The following KNDC1 variants were observed in gnomAD, a reference collection of about 807,000 sequenced individuals.
The protein encoded by KNDC1 is kinase non-catalytic C-lobe domain containing 1, also known as kinase non-catalytic C-lobe domain-containing protein 1.
KNDC1 carries 106 observed loss-of-function variants against 172.8 expected under a neutral mutation model. That is an observed-to-expected ratio of 0.61 (90% CI 0.52 to 0.72). The LOEUF is 0.72. Among genes scored for constraint, KNDC1 ranks in the 30% least tolerant of loss-of-function variants. The pLI is 0.00. For missense variants in KNDC1, 2,325 were observed against 2,394.5 expected (o/e 0.97, Z 0.61); for synonymous variants, 1,083 against 1,062.2 (o/e 1.02, Z -0.38).
chr10:133,180,024 C>T (rs1409478446), intron 3 of KNDC1, among the ~76,000 whole-genome samples: 1 of 152,238 alleles, frequency 6.6e-6, no homozygotes, highest in Non-Finnish European at 1.5e-5. Context: ...CCTCGTCCTG[C>T]TGCCCTGGGG....
rs770774937 is a variant in KNDC1 at position 133,160,436 on chromosome 10, G to T, written c.-32G>T. ...CGAGCCCAGCCCAGCCCAGCCGGAGGCCCCGGGGGCGGTGCGCGGCGCGGC... is the reference window on the plus strand; with the variant it reads ...CGAGCCCAGCCCAGCCCAGCCGGAGTCCCCGGGGGCGGTGCGCGGCGCGGC... On this transcript the variant is annotated 5_prime_UTR_variant, in exon 1 of 30. Transcript: ENST00000304613. 2.8e-6 allele frequency: 4 copies of T among 1,428,410 alleles called. No homozygotes were observed. The South Asian group carries it at 4.1e-5, about 15-fold the overall frequency. The allele number at this position is 1,428,410 out of a possible 1,614,324, so 88.5% of individuals were successfully genotyped here. A position where few individuals can be genotyped will look rare whatever the true frequency, so the allele number is the denominator to read the frequency against.
chr10:133,224,726 C>T lies in KNDC1; in HGVS notation c.5086C>T (p.Pro1696Ser), dbSNP rs1396803150. The change falls in exon 30 of 30, where the codon CCC becomes TCC. Residue 1696 changes from proline (P) to serine (S), a missense_variant. Coordinates refer to ENST00000304613, the MANE Select transcript of KNDC1 (RefSeq NM_152643.8). The surrounding 1 kb of genome is among the most constrained non-coding windows in gnomAD (Gnocchi z 5.4). ...QENPYTFSPD[P>S]KLQSYLKQRI... is the part of the protein sequence containing the mutation. ...GAACCCTTACACCTTCAGCCCCGACCCCAAGCTCCAGTCGTACCTCAAGCA... is the reference window on the plus strand; with the variant it reads ...GAACCCTTACACCTTCAGCCCCGACTCCAAGCTCCAGTCGTACCTCAAGCA... 15 of 1,614,084 alleles carry T rather than the reference C, an allele frequency of 9.3e-6. No individual in the cohort carries two copies. Among genetic ancestry groups the T allele is most frequent in the Non-Finnish European group, 1.3e-5 (15 of 1,180,016 alleles).
chr10:133,174,603 G>A (rs1420509475), intron 3 of KNDC1, among the ~76,000 whole-genome samples: 1 of 152,148 alleles, frequency 6.6e-6, no homozygotes, highest in Non-Finnish European at 1.5e-5. Flanking sequence ...TGAGTGGATG[G>A]CCAGGTGGAT....
In KNDC1 at chr10:133,224,550, T is replaced by G. The variant is rs553749343; in HGVS notation, c.5019-109T>G. 951 of 761,928 alleles carry G rather than the reference T, an allele frequency of 1.2e-3. 19 individuals are homozygous for G. In the South Asian group the frequency reaches 0.017, roughly 13 times the overall value. The allele number at this position is 761,928 out of a possible 1,614,324, so 47.2% of individuals were successfully genotyped here. On this transcript the variant is annotated intron_variant, in intron 29 of 29. Transcript: ENST00000304613. The surrounding 1 kb of genome is among the most constrained non-coding windows in gnomAD (Gnocchi z 5.4). ...AACCCACCCTTCAGAATTTACACGG[T>G]GAAAAGATTTAGTCCAAATGATTCC...
chr10:133,182,310 G>A (rs7086082), intron 3 of KNDC1, among the ~76,000 whole-genome samples: 58,678 of 152,010 alleles, frequency 0.39, 13,110 homozygotes, highest in South Asian at 0.63. Flanking sequence ...ACGGATGCGC[G>A]TCCACTCAGC....
At chr10:133,166,180 A>G (rs1853144603) in intron 1 of KNDC1, among the ~76,000 whole-genome samples, 1 of 152,132 alleles carries the variant, frequency 6.6e-6, no homozygotes, top group Non-Finnish European at 1.5e-5. Context: ...CAGTGGCTCC[A>G]GTACAGCCAG....
chr10:133,169,735 G>A lies in KNDC1; in HGVS notation c.360+1423G>A, dbSNP rs552376639. Among the ~76,000 whole-genome samples, 13 of 152,026 alleles carry A rather than the reference G, an allele frequency of 8.6e-5. No individual in the cohort carries two copies. In the East Asian group the frequency reaches 1.9e-3, roughly 23 times the overall value. On this transcript the variant is annotated intron_variant, in intron 3 of 29. Transcript: ENST00000304613. ...GTGGCTGTGGCCTGTGGCTGTGAAC[G>A]CAGCGCATGGCCTGGTGGCTGTGAC...
At position 133,199,271 on chromosome 10, in the gene KNDC1, G is replaced by C. The variant is rs747666105; in HGVS notation, c.2758+5G>C. ...GGCTGGAGGCTCTGATCATGGGTAC[G>C]TGGGGGCCGCAGACGCCCCAGAGGA... On this transcript the variant is annotated splice_donor_5th_base_variant and intron_variant, in intron 14 of 29. Coordinates refer to ENST00000304613, the MANE Select transcript of KNDC1 (RefSeq NM_152643.8). 4 of 1,550,076 alleles carry C rather than the reference G, an allele frequency of 2.6e-6. No individual in the cohort carries two copies. The South Asian group carries it at 4.8e-5, about 19-fold the overall frequency.
intron 3 of KNDC1, chr10:133,179,272 A>G (rs1853646021): frequency 1.3e-5 from 2 of 152,198 alleles, no homozygotes; most frequent in South Asian, 2.1e-4. Context: ...AGCCCTGGCC[A>G]GTGAGGCCCT....
chr10:133,220,087 G>A lies in KNDC1; in HGVS notation c.4993G>A (p.Gly1665Arg). The stretch of plus-strand genomic sequence containing the variant: ...GACAGGCGGCTTCACCATGACCAAC[G>A]GGGCCCACAGGTGGAGCAAGCTCAG... ...LETGGFTMTN[G>R]AHRWSKLRNI... is the part of the protein sequence containing the mutation. The change falls in exon 29 of 30, where the codon GGG becomes AGG. Residue 1665 changes from glycine (G) to arginine (R), a missense_variant. Transcript: ENST00000304613. The A allele has an allele frequency of 6.4e-7, 1 of 1,566,568 alleles. No individual in the cohort carries two copies. Among genetic ancestry groups the A allele is most frequent in the Non-Finnish European group, 8.7e-7 (1 of 1,155,746 alleles).
chr10:133,201,905 C>T lies in KNDC1; in HGVS notation c.3387+7C>T, dbSNP rs1386594648. The stretch of plus-strand genomic sequence containing the variant: ...GCCCGACGCCCAGAGCCCGGTGAGT[C>T]CCAGGCCTTGGCACTGCCGGGTGGG... On this transcript the variant is annotated splice_region_variant and intron_variant, in intron 17 of 29. Transcript: ENST00000304613. 2 of 1,500,088 alleles carry T rather than the reference C, an allele frequency of 1.3e-6. No homozygotes were observed. Among genetic ancestry groups the T allele is most frequent in the Admixed American group, 2.2e-5 (1 of 44,860 alleles). The allele number at this position is 1,500,088 out of a possible 1,614,324, so 92.9% of individuals were successfully genotyped here.
At chr10:133,219,902 T>C in intron 28 of KNDC1, 53 bp from the exon 29 acceptor site, 2 of 1,523,202 alleles carry the variant, frequency 1.3e-6, no homozygotes, top group South Asian at 1.2e-5. Context: ...CTGAGGCTCC[T>C]GCACTGACCA....
chr10:133,219,094 C>G lies in KNDC1; in HGVS notation c.4860+4C>G. ...GGAGGAGCTGAAAGCCGTGGAGGTA[C>G]CAGCACTTTACGTGGCCGGGCGGCT... is the stretch of plus-strand genomic sequence containing the variant. On this transcript the variant is annotated splice_donor_region_variant and intron_variant, in intron 28 of 29. Coordinates refer to ENST00000304613, the MANE Select transcript of KNDC1 (RefSeq NM_152643.8). 6.2e-7 allele frequency: 1 copy of G among 1,613,368 alleles called. No individual in the cohort carries two copies. The highest frequency in any genetic ancestry group is 8.5e-7 in the Non-Finnish European group (1 of 1,179,752).
In KNDC1 at chr10:133,198,485, C is replaced by G; in HGVS notation, c.2055C>G (p.Asn685Lys). Residue 685 changes from asparagine to lysine, a missense_variant, in exon 13 of 30, where the codon AAC becomes AAG. Coordinates refer to ENST00000304613, the MANE Select transcript of KNDC1 (RefSeq NM_152643.8). ...TCAAGCCCATTGTCCTCGCGCAGAACGCAAGTGTGGCCAGGTGAGCATCGT... is the reference window on the plus strand; with the variant it reads ...TCAAGCCCATTGTCCTCGCGCAGAAGGCAAGTGTGGCCAGGTGAGCATCGT... ...THFKPIVLAQNASVARDQPAL... is the reference protein window; with the variant it reads ...THFKPIVLAQKASVARDQPAL... 6.2e-7 allele frequency: 1 copy of G among 1,605,100 alleles called. No homozygotes were observed. Among genetic ancestry groups the G allele is most frequent in the Non-Finnish European group, 8.5e-7 (1 of 1,175,348 alleles).
At chr10:133,208,707 C>T (rs1845278956) in intron 20 of KNDC1, among the ~76,000 whole-genome samples, 1 of 152,196 alleles carries the variant, frequency 6.6e-6, no homozygotes, top group South Asian at 2.1e-4. Flanking sequence ...ACAGACACAG[C>T]CCACGCCCAC....
chr10:133,169,665 G>C (rs919823343), intron 3 of KNDC1, among the ~76,000 whole-genome samples: 1 of 152,136 alleles, frequency 6.6e-6, no homozygotes, highest in African/African-American at 2.4e-5. Flanking sequence ...GACGCGGCAC[G>C]TGGCCTGGTG....
chr10:133,213,623 C>G (rs1564899166), intron 24 of KNDC1, 22 bp from the exon 25 acceptor site: 1 of 1,611,344 alleles, frequency 6.2e-7, no homozygotes, highest in Non-Finnish European at 8.5e-7. Context: ...GCCTGAACCT[C>G]TTGTTTCCAT....
At chr10:133,170,459 G>T (rs992981597) in intron 3 of KNDC1, among the ~76,000 whole-genome samples, 1 of 152,146 alleles carries the variant, frequency 6.6e-6, no homozygotes, top group African/African-American at 2.4e-5. Flanking sequence ...ACAGCACCGC[G>T]CTGCATCTCC....
chr10:133,196,531 A>T (rs1297331770), intron 10 of KNDC1, among the ~76,000 whole-genome samples: 2 of 152,120 alleles, frequency 1.3e-5, no homozygotes, highest in African/African-American at 4.8e-5. Context: ...CTCCGCCTCG[A>T]CTGCTCTGTG....
Sources: allele counts gnomAD v4.1 joint callset (sites outside exome capture counted in the v4.1 genomes callset), GRCh38; gene constraint gnomAD v4.1.1; non-coding constraint Gnocchi (gnomAD v3.1); transcripts MANE v1.5; gene names NCBI Gene and HGNC (gene_info 2026-07-23, HGNC 2026-07-21).